Variants in PCDHGB4 observed in about 807,000 individuals in gnomAD.
The protein encoded by PCDHGB4 is protocadherin gamma-B4.
In PCDHGB4, 38 loss-of-function variants were observed where a neutral mutation model predicts 60.5. The ratio of observed to expected loss-of-function variants is 0.63; its 90% CI spans 0.48 to 0.82. PCDHGB4 has a LOEUF of 0.82. Among genes scored for constraint, PCDHGB4 ranks in the 40% least tolerant of loss-of-function variants. PCDHGB4 has a pLI of 0.00. For missense variants in PCDHGB4, 1,109 were observed against 1,209.6 expected (o/e 0.92, Z 1.23); for synonymous variants, 456 against 509.7 (o/e 0.89, Z 1.42).
intron 1 of PCDHGB4, chr5:141,410,687 T>C: frequency 6.6e-7 from 1 of 1,518,632 alleles, no homozygotes; most frequent in Non-Finnish European, 8.8e-7. Flanking sequence ...TTAGGCATAC[T>C]ACTTTATTTT....
At position 141,476,387 on chromosome 5, in the gene PCDHGB4, C is replaced by T. The variant is rs147660262; in HGVS notation, c.2398-18420C>T. The T allele has an allele frequency of 6.2e-6, 10 of 1,613,958 alleles. No homozygotes were observed. Among genetic ancestry groups the T allele is most frequent in the Non-Finnish European group, 7.6e-6 (9 of 1,180,032 alleles). ...GACCGGAGAGATGTTTGTGAACGAC[C>T]GTCTGGATCGAGAGGAGCTGTGTGG... On this transcript the variant is annotated intron_variant, in intron 1 of 3. Coordinates refer to ENST00000519479, the MANE Select transcript of PCDHGB4 (RefSeq NM_003736.4). This position sits in a 1 kb window ranked among gnomAD's most constrained non-coding sequence, Gnocchi z 7.6.
In PCDHGB4 at chr5:141,476,141, G is replaced by A. The variant is rs1011341002; in HGVS notation, c.2398-18666G>A. On this transcript the variant is annotated intron_variant, in intron 1 of 3. Coordinates refer to ENST00000519479, the MANE Select transcript of PCDHGB4 (RefSeq NM_003736.4). This position sits in a 1 kb window ranked among gnomAD's most constrained non-coding sequence, Gnocchi z 7.6. ...GATGGTCCCAGAGGCCTGGAGGAGCGGACTGGTAAGCACCGGGAGGGTAGT... is the reference window on the plus strand; with the variant it reads ...GATGGTCCCAGAGGCCTGGAGGAGCAGACTGGTAAGCACCGGGAGGGTAGT... 5.6e-6 allele frequency: 9 copies of A among 1,609,928 alleles called. No homozygotes were observed. Among genetic ancestry groups the A allele is most frequent in the Non-Finnish European group, 7.6e-6 (9 of 1,178,880 alleles).
Position 141,490,440 on chromosome 5 carries a change from T to G in PCDHGB4, c.2398-4367T>G, listed in dbSNP as rs560525159. The G allele has an allele frequency of 6.2e-7, 1 of 1,614,206 alleles. No individual in the cohort carries two copies. The highest frequency in any genetic ancestry group is 1.7e-5 in the Admixed American group (1 of 60,026). On this transcript the variant is annotated intron_variant, in intron 1 of 3. Transcript: ENST00000519479. This position sits in a 1 kb window ranked among gnomAD's most constrained non-coding sequence, Gnocchi z 5.4. ...ACCTGCCATTTCAGATTAAGCCTTCTGAGAACCACTACTCGCTGCTAACCA... is the reference window on the plus strand; with the variant it reads ...ACCTGCCATTTCAGATTAAGCCTTCGGAGAACCACTACTCGCTGCTAACCA...
chr5:141,458,018 A>G (rs1361716104), intron 1 of PCDHGB4, among the ~76,000 whole-genome samples: 1 of 152,188 alleles, frequency 6.6e-6, no homozygotes, highest in Admixed American at 6.5e-5. Flanking sequence ...GGTTTTTCCA[A>G]TTGTGTTCTG....
intron 1 of PCDHGB4, chr5:141,415,551 C>A (rs745641887): frequency 5.6e-6 from 9 of 1,614,014 alleles, no homozygotes; most frequent in Non-Finnish European, 7.6e-6. Context: ...GTGAGAAAAA[C>A]GATCCTTTGT....
chr5:141,388,457 C>A lies in PCDHGB4; in HGVS notation c.573C>A (p.Tyr191Ter). 6.2e-7 allele frequency: 1 copy of A among 1,613,814 alleles called. No homozygotes were observed. Among genetic ancestry groups the A allele is most frequent in the Non-Finnish European group, 8.5e-7 (1 of 1,179,888 alleles). The change falls in exon 1 of 4, where the codon TAC becomes TAA. Residue 191 changes from tyrosine (Y) to a stop codon, truncating the protein, a stop_gained. Transcript: ENST00000519479. LOFTEE classifies it high-confidence loss of function. ...INKEKSDGSK[Y>*]PEMVLKTPLD... ...AAGAGAAATCAGATGGCAGTAAATACCCTGAGATGGTATTGAAGACACCTT... is the reference window on the plus strand; with the variant it reads ...AAGAGAAATCAGATGGCAGTAAATAACCTGAGATGGTATTGAAGACACCTT...
chr5:141,389,999 G>C lies in PCDHGB4; in HGVS notation c.2115G>C (p.Met705Ile), dbSNP rs777892783. The C allele has an allele frequency of 2.5e-6, 4 of 1,614,018 alleles. No individual in the cohort carries two copies. Among genetic ancestry groups the C allele is most frequent in the Non-Finnish European group, 3.4e-6 (4 of 1,179,896 alleles). ...ALISVLFLVA[M>I]ILAIALRLRR... ...TCTCAGTGCTCTTCCTCGTGGCCATGATTCTGGCCATTGCCTTGCGCCTGC... is the reference window on the plus strand; with the variant it reads ...TCTCAGTGCTCTTCCTCGTGGCCATCATTCTGGCCATTGCCTTGCGCCTGC... Residue 705 changes from methionine to isoleucine, a missense_variant, in exon 1 of 4, where the codon ATG (methionine) becomes ATC (isoleucine). Met to Ile is a conservative substitution (Grantham distance 10). This residue lies in a region of PCDHGB4 where 1,068 missense variants were observed against 1,089.9 expected (regional missense o/e 0.98). Transcript: ENST00000519479.
At chr5:141,404,287 C>A in intron 1 of PCDHGB4, 1 of 1,613,976 alleles carries the variant, frequency 6.2e-7, no homozygotes, top group Non-Finnish European at 8.5e-7. Flanking sequence ...TGACTGACAT[C>A]AATGATAATC....
intron 1 of PCDHGB4, chr5:141,414,464 A>G (rs1331771342): frequency 1.2e-6 from 2 of 1,613,904 alleles, no homozygotes; most frequent in African/African-American, 1.3e-5. Context: ...ACAGCCACAG[A>G]TGGGGGAAGT....
intron 1 of PCDHGB4, chr5:141,427,922 G>A: frequency 6.3e-7 from 1 of 1,580,742 alleles, no homozygotes; most frequent in Non-Finnish European, 8.6e-7. Flanking sequence ...ACATGAGCCG[G>A]CGCATGTTGG....
chr5:141,398,732 G>A (rs747131946), intron 1 of PCDHGB4: 4 of 1,613,778 alleles, frequency 2.5e-6, no homozygotes, highest in Admixed American at 1.7e-5. Flanking sequence ...ACCTTAGACC[G>A]GGAACAACAG....
intron 1 of PCDHGB4, among the ~76,000 whole-genome samples, chr5:141,462,688 A>G (rs919098530): frequency 3.9e-5 from 6 of 152,126 alleles, no homozygotes; most frequent in African/African-American, 1.4e-4. Flanking sequence ...TTTTGAGCAC[A>G]TTTATAATGG....
At chr5:141,430,687 T>A in intron 1 of PCDHGB4, 3 of 1,399,922 alleles carry the variant, frequency 2.1e-6, no homozygotes, top group Non-Finnish European at 9.5e-7. Flanking sequence ...TGTCCCATTC[T>A]ATGGGCGAAG....
At chr5:141,415,318 C>T (rs1324377536) in intron 1 of PCDHGB4, 4 of 1,614,252 alleles carry the variant, frequency 2.5e-6, no homozygotes, top group Admixed American at 1.7e-5. Flanking sequence ...CGTCATCGTG[C>T]TGCTGGCGCA....
At chr5:141,494,075 C>T (rs1482844644) in intron 1 of PCDHGB4, among the ~76,000 whole-genome samples, 7 of 152,322 alleles carry the variant, frequency 4.6e-5, no homozygotes, top group East Asian at 1.9e-4. Context: ...GATCCCTCCC[C>T]GCTGCATCCC....
Position 141,485,434 on chromosome 5 carries a change from G to T in PCDHGB4, c.2398-9373G>T. The stretch of plus-strand genomic sequence containing the variant: ...TGGACAGCGGAGCCCTGCTCATCAA[G>T]AACCCAATCGACCGAGAGGCACTGT... On this transcript the variant is annotated intron_variant, in intron 1 of 3. Transcript: ENST00000519479. This position sits in a 1 kb window ranked among gnomAD's most constrained non-coding sequence, Gnocchi z 5.7. The T allele has an allele frequency of 6.2e-7, 1 of 1,614,166 alleles. No homozygotes were observed. The highest frequency in any genetic ancestry group is 1.6e-4 in the Middle Eastern group (1 of 6,062).
chr5:141,505,334 G>T, intron 2 of PCDHGB4, 59 bp from the exon 3 acceptor site: 1 of 1,611,326 alleles, frequency 6.2e-7, no homozygotes, highest in Non-Finnish European at 8.5e-7. Context: ...GAGAGGACAG[G>T]AGGGGCATGA....
At position 141,395,074 on chromosome 5, in the gene PCDHGB4, C is replaced by T. The variant is rs368699767; in HGVS notation, c.2397+4793C>T. The T allele has an allele frequency of 3.9e-5, 63 of 1,614,048 alleles. No homozygotes were observed. The African/African-American group carries it at 6.0e-4, about 15-fold the overall frequency. Reference sequence around the variant, plus strand: ...GTACAGGCTTTCCTGCAGACCTATTCCCAGGAAGTCTCCCTCACCGCCGAC... The same window carrying T: ...GTACAGGCTTTCCTGCAGACCTATTTCCAGGAAGTCTCCCTCACCGCCGAC... On this transcript the variant is annotated intron_variant, in intron 1 of 3. Transcript: ENST00000519479.
intron 1 of PCDHGB4, chr5:141,430,693 C>A: frequency 1.4e-6 from 2 of 1,425,428 alleles, no homozygotes; most frequent in Admixed American, 2.6e-5. Context: ...ATTCTATGGG[C>A]GAAGGAACTG....
Sources: gnomAD v4.1 joint callset for allele counts (sites outside exome capture counted in the v4.1 genomes callset) on GRCh38, gnomAD v4.1.1 for gene constraint, gnomAD v4.1.1 regional missense constraint, Gnocchi (gnomAD v3.1) non-coding constraint, MANE v1.5 for transcripts, NCBI Gene and HGNC (gene_info 2026-07-23, HGNC 2026-07-21) for gene names.